FOCAD: variants seen among roughly 807,000 people sequenced by gnomAD.
FOCAD encodes the protein KIAA1797.
FOCAD carries 198 observed loss-of-function variants against 225.6 expected under a neutral mutation model. The ratio of observed to expected loss-of-function variants is 0.88; its 90% CI spans 0.78 to 0.99. The LOEUF (loss-of-function observed/expected upper bound fraction) is 0.99. Ranked by LOEUF, FOCAD falls within the 50% of genes least tolerant of loss-of-function variation. The pLI is 0.00. For synonymous variants in FOCAD, 897 were observed against 755.0 expected (o/e 1.19, Z -3.08); for missense variants, 2,713 against 2,123.6 (o/e 1.28, Z -5.46).
intron 24 of FOCAD, among the ~76,000 whole-genome samples, chr9:20,921,818 G>A (rs955264470): frequency 4.2e-4 from 64 of 152,148 alleles, no homozygotes; most frequent in Non-Finnish European, 7.4e-5. Context: ...TTTTAAAACC[G>A]AGGCTAATTT....
At chr9:20,918,971 C>T (rs1834121674) in intron 24 of FOCAD, among the ~76,000 whole-genome samples, 2 of 152,080 alleles carry the variant, frequency 1.3e-5, no homozygotes, top group South Asian at 2.1e-4. Context: ...CTACGGCTGC[C>T]ACAGGCTGGT....
intron 15 of FOCAD, among the ~76,000 whole-genome samples, chr9:20,857,202 G>T (rs978113645): frequency 6.6e-6 from 1 of 151,914 alleles, no homozygotes; most frequent in Non-Finnish European, 1.5e-5. Flanking sequence ...TAACAATATT[G>T]ATTCTTCCAA....
intron 35 of FOCAD, among the ~76,000 whole-genome samples, chr9:20,971,823 T>C (rs1377335317): frequency 6.6e-6 from 1 of 152,116 alleles, no homozygotes; most frequent in Non-Finnish European, 1.5e-5. Context: ...TTTGACTACT[T>C]TAGATACTTC....
At chr9:20,778,300 A>G (rs1467118313) in intron 8 of FOCAD, among the ~76,000 whole-genome samples, 1 of 151,930 alleles carries the variant, frequency 6.6e-6, no homozygotes, top group African/African-American at 2.4e-5. Flanking sequence ...GCTGGAGTGC[A>G]GTGGCACCAT....
intron 15 of FOCAD, among the ~76,000 whole-genome samples, chr9:20,825,014 T>G (rs540368591): frequency 1.3e-5 from 2 of 152,126 alleles, no homozygotes; most frequent in South Asian, 4.2e-4. Context: ...TTAATTTTGG[T>G]GATAATTTTT....
intron 18 of FOCAD, among the ~76,000 whole-genome samples, chr9:20,868,422 G>A (rs1335645409): frequency 1.3e-5 from 2 of 151,892 alleles, no homozygotes; most frequent in African/African-American, 4.8e-5. Context: ...ATATTGACAT[G>A]CTTATATTTT....
At chr9:20,665,227 A>T (rs964343774) in intron 2 of FOCAD, among the ~76,000 whole-genome samples, 6 of 152,214 alleles carry the variant, frequency 3.9e-5, no homozygotes, top group African/African-American at 1.4e-4. Flanking sequence ...AAGACCTAGA[A>T]TAATTGTATA....
At chr9:20,837,552 T>C (rs948999670) in intron 15 of FOCAD, among the ~76,000 whole-genome samples, 3 of 151,814 alleles carry the variant, frequency 2.0e-5, no homozygotes, top group African/African-American at 7.3e-5. Context: ...GGGTTTTTTT[T>C]TGGGAGGGGG....
chr9:20,698,146 T>A (rs1264988723), intron 1 of FOCAD, among the ~76,000 whole-genome samples: 1 of 152,230 alleles, frequency 6.6e-6, no homozygotes. Flanking sequence ...TATTTTTTTA[T>A]TTGAGGAGAA....
rs1247930222 is a variant in FOCAD, at chr9:20,664,947, G to T, written c.-78+6121G>T. On this transcript the variant is annotated intron_variant, in intron 2 of 45. Coordinates refer to the FOCAD transcript ENST00000380249. ...GTATTTTGAAATGTTATACATAGTG[G>T]AAAACACTGCATTTTTTTAAACAGA... 6.3e-5 allele frequency among the ~76,000 whole-genome samples: 7 copies of T among 110,398 alleles called. No individual in the cohort carries two copies. In the Admixed American group the frequency reaches 7.2e-4, roughly 11 times the overall value. 72.4% of individuals were successfully genotyped at this position (110,398 alleles called of 152,430 possible).
At chr9:20,906,482 A>G (rs1832989577) in intron 21 of FOCAD, among the ~76,000 whole-genome samples, 1 of 152,074 alleles carries the variant, frequency 6.6e-6, no homozygotes, top group African/African-American at 2.4e-5. Flanking sequence ...TTGTTGCAAG[A>G]TAGCCATGTA....
At chr9:20,916,748 T>G (rs1324836412) in intron 23 of FOCAD, 145 bp from the exon 24 acceptor site, 1 of 710,804 alleles carries the variant, frequency 1.4e-6, no homozygotes, top group East Asian at 2.9e-5. Context: ...CTTATTACAG[T>G]TCTTTCACCT....
intron 11 of FOCAD, among the ~76,000 whole-genome samples, chr9:20,814,174 C>A (rs1045712919): frequency 5.9e-5 from 9 of 152,068 alleles, no homozygotes; most frequent in African/African-American, 2.2e-4. Flanking sequence ...GCAGTTTAAT[C>A]CATTTACATT....
chr9:20,953,089 T>G (rs1837828921), intron 35 of FOCAD, 24 bp downstream of exon 35: 1 of 1,567,914 alleles, frequency 6.4e-7, no homozygotes, highest in Non-Finnish European at 8.8e-7. Flanking sequence ...TTTCTTGAAT[T>G]TTATCATTCT....
chr9:20,760,115 A>T (rs1001160063), intron 6 of FOCAD, among the ~76,000 whole-genome samples: 1 of 152,120 alleles, frequency 6.6e-6, no homozygotes, highest in Non-Finnish European at 1.5e-5. Flanking sequence ...GTCCTGGTCA[A>T]ATCCAGTCTC....
chr9:20,829,073 A>G (rs1371025371), intron 15 of FOCAD, among the ~76,000 whole-genome samples: 1 of 151,980 alleles, frequency 6.6e-6, no homozygotes, highest in Non-Finnish European at 1.5e-5. Context: ...TGTCTTTGCT[A>G]TTGTGAATAG....
At chr9:20,786,030 C>T (rs376049612) in intron 10 of FOCAD, among the ~76,000 whole-genome samples, 96 of 152,166 alleles carry the variant, frequency 6.3e-4, no homozygotes, top group African/African-American at 2.3e-3. Context: ...TTTTACAAGC[C>T]GGGAAACTGA....
chr9:20,834,143 A>G (rs1334428311), intron 15 of FOCAD, among the ~76,000 whole-genome samples: 2 of 152,098 alleles, frequency 1.3e-5, no homozygotes, highest in African/African-American at 2.4e-5. Flanking sequence ...CATCATGTCC[A>G]TTGCAGGGAC....
chr9:20,946,181 A>G (rs1837161010), intron 29 of FOCAD, among the ~76,000 whole-genome samples: 1 of 152,210 alleles, frequency 6.6e-6, no homozygotes, highest in Non-Finnish European at 1.5e-5. Flanking sequence ...CCTATTTTAT[A>G]CAATTTATCT....
Sources: gnomAD v4.1 joint callset for allele counts (sites outside exome capture counted in the v4.1 genomes callset) on GRCh38, gnomAD v4.1.1 for gene constraint, MANE v1.5 for transcripts, NCBI Gene and HGNC (gene_info 2026-07-23, HGNC 2026-07-21) for gene names.